The following VAV3 variants were observed in gnomAD, a reference collection of about 807,000 sequenced individuals.
VAV3 encodes vav guanine nucleotide exchange factor 3, also known as guanine nucleotide exchange factor VAV3.
Under a neutral mutation model 131.2 loss-of-function variants are expected in VAV3, and 94 were observed. The ratio of observed to expected loss-of-function variants is 0.72; its 90% CI spans 0.61 to 0.85. VAV3 has a LOEUF of 0.85. Ranked by LOEUF, VAV3 falls within the 40% of genes least tolerant of loss-of-function variation. The probability of loss-of-function intolerance (pLI) is 0.00; values close to 1 mark genes in which losing one functional copy is unlikely to be tolerated. For synonymous variants in VAV3, 349 were observed against 342.0 expected (o/e 1.02, Z -0.22); for missense variants, 939 against 1,002.7 (o/e 0.94, Z 0.86).
chr1:107,575,609 T>TA (rs763924770), intron 25 of VAV3, among the ~76,000 whole-genome samples: 67 of 152,296 alleles, frequency 4.4e-4, no homozygotes, highest in Non-Finnish European at 8.1e-4. Flanking sequence ...GCACTACTGT[T>TA]AGAGTCGGTG....
At chr1:107,602,833 T>C (rs1651968501) in intron 23 of VAV3, among the ~76,000 whole-genome samples, 1 of 152,196 alleles carries the variant, frequency 6.6e-6, no homozygotes, top group Non-Finnish European at 1.5e-5. Flanking sequence ...CACAATATTA[T>C]GAAAGAAATC....
At chr1:107,799,660 C>A (rs769493133) in intron 2 of VAV3, among the ~76,000 whole-genome samples, 21 of 152,012 alleles carry the variant, frequency 1.4e-4, no homozygotes, top group Non-Finnish European at 2.6e-4. Context: ...TTGGCATATA[C>A]CTCAACTTAA....
At chr1:107,601,269 C>T (rs566050505) in intron 24 of VAV3, among the ~76,000 whole-genome samples, 2 of 152,286 alleles carry the variant, frequency 1.3e-5, no homozygotes, top group African/African-American at 4.8e-5. Flanking sequence ...CATGACCTTG[C>T]TGCCCATCCT....
In VAV3 at chr1:107,896,066, C is replaced by T. The variant is rs78700103; in HGVS notation, c.205-21049G>A. On this transcript the variant is annotated intron_variant, in intron 1 of 26. Transcript: ENST00000370056. Reference sequence around the variant, plus strand: ...AGAGGTGCTGCCACACACTTTCTCCCATGGCCACAAGCACCTGCAGGATTC... The same window carrying T: ...AGAGGTGCTGCCACACACTTTCTCCTATGGCCACAAGCACCTGCAGGATTC... 6.1e-3 allele frequency among the ~76,000 whole-genome samples: 927 copies of T among 152,220 alleles called. 7 individuals carry two copies. Among genetic ancestry groups the T allele is most frequent in the African/African-American group, 0.021 (877 of 41,526 alleles).
intron 15 of VAV3, among the ~76,000 whole-genome samples, chr1:107,716,128 A>G (rs1237425161): frequency 2.0e-5 from 3 of 152,348 alleles, no homozygotes; most frequent in East Asian, 3.9e-4. Context: ...TTGGTTTTAT[A>G]TAAAACTCTA....
At chr1:107,639,454 T>C (rs1333243976) in intron 20 of VAV3, among the ~76,000 whole-genome samples, 1 of 151,972 alleles carries the variant, frequency 6.6e-6, no homozygotes, top group Non-Finnish European at 1.5e-5. Flanking sequence ...CCAAAATATC[T>C]AGGGAGCTCT....
chr1:107,691,360 C>T (rs986365764), intron 17 of VAV3, among the ~76,000 whole-genome samples: 1 of 152,108 alleles, frequency 6.6e-6, no homozygotes, highest in Non-Finnish European at 1.5e-5. Flanking sequence ...TTTTTACTTC[C>T]TTTTGGTATC....
At chr1:107,745,819 C>G (rs61798914) in intron 15 of VAV3, among the ~76,000 whole-genome samples, 1 of 152,166 alleles carries the variant, frequency 6.6e-6, no homozygotes, top group Non-Finnish European at 1.5e-5. Context: ...TTAAAAATAT[C>G]AGCTCCCTTG....
Position 107,759,290 on chromosome 1 carries a change from A to G in VAV3, c.1017+1494T>C, listed in dbSNP as rs574103820. Among the ~76,000 whole-genome samples, 7 of 152,244 alleles carry G rather than the reference A, an allele frequency of 4.6e-5. No individual in the cohort carries two copies. In the East Asian group the frequency reaches 7.7e-4, roughly 17 times the overall value. On this transcript the variant is annotated intron_variant, in intron 10 of 26. Coordinates refer to ENST00000370056, the MANE Select transcript of VAV3 (RefSeq NM_006113.5). ...AACTTAAAGACAGAATCTATTAAGT[A>G]TAATAAATCCATAAAAATTCTATTC...
intron 2 of VAV3, among the ~76,000 whole-genome samples, chr1:107,808,463 T>C (rs1667165471): frequency 6.6e-6 from 1 of 152,192 alleles, no homozygotes; most frequent in African/African-American, 2.4e-5. Context: ...TGTTGGTATA[T>C]ATTTTTTCAA....
intron 2 of VAV3, among the ~76,000 whole-genome samples, chr1:107,861,212 T>C (rs946828264): frequency 2.0e-5 from 3 of 151,696 alleles, no homozygotes; most frequent in African/African-American, 7.2e-5. Flanking sequence ...TACACGTCTA[T>C]GTATTTGGAG....
intron 19 of VAV3, chr1:107,668,650 T>C (rs1288519268): frequency 3.0e-6 from 3 of 985,308 alleles, no homozygotes; most frequent in African/African-American, 1.7e-5. Context: ...TTCCTCATTG[T>C]AGTGAGAGAA....
At chr1:107,583,298 G>C (rs1247951402) in intron 25 of VAV3, among the ~76,000 whole-genome samples, 1 of 152,148 alleles carries the variant, frequency 6.6e-6, no homozygotes, top group African/African-American at 2.4e-5. Flanking sequence ...CCACAGCCAA[G>C]ATCATACTGA....
rs1038941537 is a variant in VAV3, at chr1:107,571,779, G to C, written c.*1552C>G. The C allele has an allele frequency of 6.6e-6, 1 of 152,584 alleles. No homozygotes were observed. The highest frequency in any genetic ancestry group is 1.5e-5 in the Non-Finnish European group (1 of 68,032). The allele number at this position is 152,584 out of a possible 1,614,324, so 9.5% of individuals were successfully genotyped here. Reference sequence around the variant, plus strand: ...ACAATCACAGTTTACATAATTCTGAGGTAAAGGTCTTGAATCTATCCTAGA... The same window carrying C: ...ACAATCACAGTTTACATAATTCTGACGTAAAGGTCTTGAATCTATCCTAGA... On this transcript the variant is annotated 3_prime_UTR_variant, in exon 27 of 27. Transcript: ENST00000370056.
chr1:107,637,302 CAT>C (rs915841215), intron 20 of VAV3, among the ~76,000 whole-genome samples: 32 of 152,144 alleles, frequency 2.1e-4, no homozygotes, highest in African/African-American at 7.0e-4. Context: ...CCTGAATAGC[CAT>C]ATGTTTGTTT....
intron 1 of VAV3, among the ~76,000 whole-genome samples, chr1:107,888,485 T>C (rs1671147641): frequency 6.6e-6 from 1 of 152,138 alleles, no homozygotes; most frequent in African/African-American, 2.4e-5. Flanking sequence ...GGAGATGGAC[T>C]TTCTCTCTTG....
At chr1:107,765,862 T>C (rs1428011595) in intron 8 of VAV3, among the ~76,000 whole-genome samples, 2 of 152,228 alleles carry the variant, frequency 1.3e-5, no homozygotes, top group East Asian at 3.8e-4. Context: ...AAGTAATTCA[T>C]TAGCCACTTC....
At chr1:107,825,718 C>T (rs766000651) in intron 2 of VAV3, among the ~76,000 whole-genome samples, 10 of 152,168 alleles carry the variant, frequency 6.6e-5, no homozygotes, top group Non-Finnish European at 1.3e-4. Context: ...CACAAAATAT[C>T]TGCCTATCCA....
At position 107,874,254 on chromosome 1, in the gene VAV3, TTG is replaced by T. The variant is rs1445672911; in HGVS notation, c.321+645_321+646del. On this transcript the variant is annotated intron_variant, in intron 2 of 26. Coordinates refer to ENST00000370056, the MANE Select transcript of VAV3 (RefSeq NM_006113.5). Reference sequence around the variant, plus strand: ...TGACCATAATTTTTGAAATGATGATTTGTTTCACTTATTATACATGTGTTTAG... The same window carrying T: ...TGACCATAATTTTTGAAATGATGATTTTTCACTTATTATACATGTGTTTAG... 3.3e-5 allele frequency among the ~76,000 whole-genome samples: 5 copies of T among 152,328 alleles called. No individual in the cohort carries two copies. In the East Asian group the frequency reaches 9.6e-4, roughly 29 times the overall value.
Sources: gnomAD v4.1 joint callset for allele counts (sites outside exome capture counted in the v4.1 genomes callset) on GRCh38, gnomAD v4.1.1 for gene constraint, MANE v1.5 for transcripts, NCBI Gene and HGNC (gene_info 2026-07-23, HGNC 2026-07-21) for gene names.